The following CSMD3 variants were observed in gnomAD, a reference collection of about 807,000 sequenced individuals.
CSMD3 encodes CUB and sushi domain-containing protein 3.
A neutral mutation model predicts 435.2 loss-of-function variants in CSMD3; 177 were observed. The ratio of observed to expected loss-of-function variants is 0.41; its 90% CI spans 0.36 to 0.46. CSMD3 has a LOEUF of 0.46. Among genes scored for constraint, CSMD3 ranks in the 20% least tolerant of loss-of-function variants. The probability of loss-of-function intolerance (pLI) is 0.34; values close to 1 mark genes in which losing one functional copy is unlikely to be tolerated. For synonymous variants in CSMD3, 1,656 were observed against 1,520.5 expected (o/e 1.09, Z -2.07); for missense variants, 4,265 against 4,504.6 (o/e 0.95, Z 1.52).
intron 5 of CSMD3, among the ~76,000 whole-genome samples, chr8:113,050,654 T>C (rs2088047005): frequency 6.6e-6 from 1 of 152,120 alleles, no homozygotes; most frequent in Non-Finnish European, 1.5e-5. Flanking sequence ...TGTACGTATC[T>C]ACCCATTCAT....
At chr8:112,715,275 A>T (rs2076699380) in intron 13 of CSMD3, among the ~76,000 whole-genome samples, 1 of 152,204 alleles carries the variant, frequency 6.6e-6, no homozygotes. Flanking sequence ...ACAAACTACC[A>T]TCAGAGAATA....
intron 13 of CSMD3, among the ~76,000 whole-genome samples, chr8:112,762,780 AG>A (rs990284748): frequency 6.6e-6 from 1 of 151,836 alleles, no homozygotes; most frequent in African/African-American, 2.4e-5. Flanking sequence ...GACCAGTGAG[AG>A]GGCTATAGTG....
chr8:113,293,078 T>C (rs2093697085), intron 2 of CSMD3, among the ~76,000 whole-genome samples: 1 of 151,960 alleles, frequency 6.6e-6, no homozygotes, highest in Non-Finnish European at 1.5e-5. Context: ...TCACTCTAGC[T>C]ATGTTATATG....
chr8:112,887,588 G>A (rs1178252639), intron 10 of CSMD3, among the ~76,000 whole-genome samples: 1 of 151,030 alleles, frequency 6.6e-6, no homozygotes, highest in African/African-American at 2.4e-5. Context: ...GGTCCTTTAA[G>A]AGCAAAGTTT....
At chr8:113,410,016 C>T (rs1329681504) in intron 1 of CSMD3, among the ~76,000 whole-genome samples, 1 of 152,078 alleles carries the variant, frequency 6.6e-6, no homozygotes, top group Non-Finnish European at 1.5e-5. Context: ...TAGACGAATA[C>T]CTTTTATTTA....
chr8:112,894,828 A>G (rs2081903332), intron 10 of CSMD3, among the ~76,000 whole-genome samples: 1 of 151,310 alleles, frequency 6.6e-6, no homozygotes, highest in African/African-American at 2.4e-5. Context: ...TAGCTGGAAA[A>G]TTAAAAGACA....
intron 5 of CSMD3, among the ~76,000 whole-genome samples, chr8:113,059,743 A>G (rs1298626490): frequency 6.6e-6 from 1 of 152,146 alleles, no homozygotes; most frequent in Non-Finnish European, 1.5e-5. Context: ...AGTTTGATCT[A>G]TTGGGAACAA....
At chr8:112,517,783 G>A (rs1823835086) in intron 27 of CSMD3, among the ~76,000 whole-genome samples, 1 of 152,130 alleles carries the variant, frequency 6.6e-6, no homozygotes, top group African/African-American at 2.4e-5. Context: ...GGTAATTATG[G>A]AGAAAACGGG....
chr8:112,921,488 T>C (rs1239396685), intron 10 of CSMD3, 139 bp downstream of exon 10: 5 of 774,386 alleles, frequency 6.5e-6, no homozygotes, highest in Non-Finnish European at 1.1e-5. Context: ...AGATTTTCTA[T>C]AAATATCAAT....
chr8:112,392,864 CTTT>C (rs56809581), intron 35 of CSMD3, among the ~76,000 whole-genome samples: 2 of 122,170 alleles, frequency 1.6e-5, no homozygotes, highest in Admixed American at 8.8e-5. Context: ...TCTTTTTTTT[CTTT>C]TTTTTTTTTT....
At chr8:113,303,334 A>G (rs202236371) in intron 2 of CSMD3, among the ~76,000 whole-genome samples, 2 of 148,480 alleles carry the variant, frequency 1.3e-5, no homozygotes, top group South Asian at 2.2e-4. Flanking sequence ...TGGCCATACT[A>G]CCCAAGGTAA....
intron 10 of CSMD3, among the ~76,000 whole-genome samples, chr8:112,870,820 G>GA (rs200086188): frequency 0.035 from 5,307 of 150,106 alleles, 149 homozygotes; most frequent in Middle Eastern, 0.051. Flanking sequence ...TTATATTCTA[G>GA]AAAAAAAAAG....
chr8:113,248,530 G>GTA (rs2093302666), intron 3 of CSMD3, among the ~76,000 whole-genome samples: 1 of 117,212 alleles, frequency 8.5e-6, no homozygotes, highest in Non-Finnish European at 1.7e-5. Flanking sequence ...ATATATATAT[G>GTA]TATATACATA....
At chr8:112,763,379 A>G (rs1267727144) in intron 13 of CSMD3, among the ~76,000 whole-genome samples, 2 of 151,288 alleles carry the variant, frequency 1.3e-5, no homozygotes, top group Non-Finnish European at 3.0e-5. Context: ...TAAAACTCCT[A>G]TAGAATATTG....
chr8:112,648,420 A>G (rs6469428), intron 19 of CSMD3, among the ~76,000 whole-genome samples: 82,887 of 152,012 alleles, frequency 0.55, 24,102 homozygotes, highest in African/African-American at 0.76. Flanking sequence ...TAAAAGTAAC[A>G]TGATTTGATC....
At chr8:112,535,190 G>T (rs1400222000) in intron 27 of CSMD3, among the ~76,000 whole-genome samples, 1 of 151,546 alleles carries the variant, frequency 6.6e-6, no homozygotes, top group Non-Finnish European at 1.5e-5. Context: ...GCAGGAGAAG[G>T]AAATAAAGGG....
At chr8:113,102,767 T>C (rs955508092) in intron 4 of CSMD3, among the ~76,000 whole-genome samples, 3 of 152,120 alleles carry the variant, frequency 2.0e-5, no homozygotes, top group Non-Finnish European at 4.4e-5. Flanking sequence ...CGAGGGGCTA[T>C]CTGGTACCAA....
intron 5 of CSMD3, among the ~76,000 whole-genome samples, chr8:113,022,990 T>C (rs1564219962): frequency 6.6e-6 from 1 of 152,082 alleles, no homozygotes; most frequent in African/African-American, 2.4e-5. Flanking sequence ...AATGTAATTA[T>C]AATCCTTACA....
At chr8:113,071,590 T>A (rs183947384) in intron 5 of CSMD3, among the ~76,000 whole-genome samples, 16 of 152,110 alleles carry the variant, frequency 1.1e-4, no homozygotes, top group Admixed American at 1.0e-3. Flanking sequence ...CATTGTGTGT[T>A]CTTGGCAACC....
Sources: allele counts gnomAD v4.1 joint callset (sites outside exome capture counted in the v4.1 genomes callset), GRCh38; gene constraint gnomAD v4.1.1; transcripts MANE v1.5; gene names NCBI Gene and HGNC (gene_info 2026-07-23, HGNC 2026-07-21).